OPRM1: variants seen among roughly 807,000 people sequenced by gnomAD.
OPRM1 encodes opioid receptor mu 1.
Under a neutral mutation model 31.8 loss-of-function variants are expected in OPRM1, and 27 were observed. The ratio of observed to expected loss-of-function variants is 0.85; its 90% CI spans 0.63 to 1.17. The LOEUF is 1.17. Among genes scored for constraint, OPRM1 ranks in the 50% most tolerant of loss-of-function variants. The pLI is 0.00. For synonymous variants in OPRM1, 196 were observed against 189.9 expected (o/e 1.03, Z -0.26); for missense variants, 536 against 511.1 (o/e 1.05, Z -0.47).
intron 3 of OPRM1, among the ~76,000 whole-genome samples, chr6:154,179,002 T>C (rs143234702): frequency 2.0e-5 from 3 of 152,310 alleles, no homozygotes; most frequent in African/African-American, 7.2e-5. Context: ...GTCTACAACA[T>C]ATCACTAAAT....
intron 3 of OPRM1, among the ~76,000 whole-genome samples, chr6:154,112,101 A>G (rs1796427607): frequency 6.6e-6 from 1 of 152,204 alleles, no homozygotes; most frequent in Non-Finnish European, 1.5e-5. Context: ...ACAAAAATAG[A>G]AAACCGACAG....
intron 3 of OPRM1, among the ~76,000 whole-genome samples, chr6:154,148,232 G>A (rs936427597): frequency 6.6e-6 from 1 of 152,226 alleles, no homozygotes; most frequent in Non-Finnish European, 1.5e-5. Context: ...CTGTATCAAG[G>A]AAAGGCCAAT....
chr6:154,130,054 A>T lies in OPRM1; in HGVS notation c.*11333A>T, dbSNP rs1436806017. Among the ~76,000 whole-genome samples the T allele has an allele frequency of 2.7e-5, 4 of 150,754 alleles. No individual in the cohort carries two copies. Among genetic ancestry groups the T allele is most frequent in the Non-Finnish European group, 4.4e-5 (3 of 67,862 alleles). ...ACATTTGTACTCTGGAAGTAAACTT[A>T]AAATGAAAATTAGAATTTGCTTTCA... On this transcript the variant is annotated 3_prime_UTR_variant, in exon 4 of 4. Coordinates refer to ENST00000330432, the MANE Select transcript of OPRM1 (RefSeq NM_000914.5).
At chr6:154,207,677 C>T (rs1208481722) in intron 3 of OPRM1, among the ~76,000 whole-genome samples, 2 of 152,132 alleles carry the variant, frequency 1.3e-5, no homozygotes, top group African/African-American at 4.8e-5. Flanking sequence ...ACTTTGACTT[C>T]CTCCTCTGTC....
rs1181246833 is a variant in OPRM1, at chr6:154,193,611, C to G, written c.1165-53082C>G. ...AATAACATCAAAAAAGAAAGAAAACCAAGGATTTAATCAACAACAAGAAGT... is the reference window on the plus strand; with the variant it reads ...AATAACATCAAAAAAGAAAGAAAACGAAGGATTTAATCAACAACAAGAAGT... On this transcript the variant is annotated intron_variant, in intron 3 of 3. Transcript: ENST00000337049. 4.6e-5 allele frequency among the ~76,000 whole-genome samples: 7 copies of G among 152,114 alleles called. No homozygotes were observed. The East Asian group carries it at 1.4e-3, about 29-fold the overall frequency.
At chr6:154,031,415 A>T (rs1389899546) in intron 1 of OPRM1, among the ~76,000 whole-genome samples, 1 of 152,184 alleles carries the variant, frequency 6.6e-6, no homozygotes, top group Non-Finnish European at 1.5e-5. Flanking sequence ...TAATGTCAAC[A>T]GAACCAGTGC....
intron 1 of OPRM1, among the ~76,000 whole-genome samples, chr6:154,040,775 A>T (rs1400142491): frequency 5.9e-5 from 9 of 152,196 alleles, no homozygotes. Flanking sequence ...GTTGTAGTCC[A>T]CTTTCTGTTT....
intron 3 of OPRM1, among the ~76,000 whole-genome samples, chr6:154,191,863 T>C (rs1205785264): frequency 6.6e-6 from 1 of 152,192 alleles, no homozygotes; most frequent in East Asian, 1.9e-4. Flanking sequence ...AACTCTGTAC[T>C]GTCTGCTCAA....
upstream of OPRM1, among the ~76,000 whole-genome samples, chr6:154,036,587 G>A (rs1182068664): frequency 6.6e-6 from 1 of 151,882 alleles, no homozygotes; most frequent in Admixed American, 6.6e-5. Flanking sequence ...AAGGCATATG[G>A]CTAGTCCATA....
At chr6:154,220,978 T>C (rs1021769504) in intron 3 of OPRM1, among the ~76,000 whole-genome samples, 1 of 152,254 alleles carries the variant, frequency 6.6e-6, no homozygotes, top group Non-Finnish European at 1.5e-5. Context: ...CTTGTGATGC[T>C]GATTCTCCTT....
chr6:154,223,297 G>A, intron 3 of OPRM1: 4 of 1,328,142 alleles, frequency 3.0e-6, no homozygotes, highest in Non-Finnish European at 3.2e-6. Context: ...CTGGGGATTA[G>A]TGCATTGAGA....
chr6:154,109,022 T>G (rs972207335), intron 3 of OPRM1: 1 of 985,068 alleles, frequency 1.0e-6, no homozygotes, highest in African/African-American at 1.7e-5. Flanking sequence ...TCTAACCTGT[T>G]GGAATTATAG....
chr6:154,158,186 G>C (rs560275850), intron 3 of OPRM1: 7 of 152,130 alleles, frequency 4.6e-5, no homozygotes, highest in Non-Finnish European at 1.0e-4. Flanking sequence ...TATAATTCAG[G>C]TGGTTCCTTC....
chr6:154,230,091 G>C (rs960289455), intron 3 of OPRM1, among the ~76,000 whole-genome samples: 7 of 152,034 alleles, frequency 4.6e-5, no homozygotes, highest in African/African-American at 1.7e-4. Context: ...GGGGATGGGG[G>C]ATCTTATTGG....
intron 3 of OPRM1, chr6:154,107,753 T>C (rs1795811502): frequency 1.4e-6 from 1 of 718,386 alleles, no homozygotes; most frequent in Admixed American, 2.0e-5. Flanking sequence ...TTCAGGGACC[T>C]CCAGCCAAGT....
intron 3 of OPRM1, among the ~76,000 whole-genome samples, chr6:154,111,831 T>A (rs1172999178): frequency 6.6e-6 from 1 of 152,160 alleles, no homozygotes; most frequent in Non-Finnish European, 1.5e-5. Context: ...AGTGGTGCCA[T>A]CTCGGCTCAC....
intron 3 of OPRM1, among the ~76,000 whole-genome samples, chr6:154,170,185 T>A (rs1009879904): frequency 1.3e-5 from 2 of 152,240 alleles, no homozygotes; most frequent in Non-Finnish European, 2.9e-5. Context: ...TTTCCTTTAT[T>A]CCTTGGAAGA....
intron 3 of OPRM1, among the ~76,000 whole-genome samples, chr6:154,139,852 A>G (rs1179812028): frequency 6.6e-6 from 1 of 152,178 alleles, no homozygotes; most frequent in Admixed American, 6.5e-5. Context: ...AATGGAAGAC[A>G]TGATCTGCAG....
intron 3 of OPRM1, among the ~76,000 whole-genome samples, chr6:154,208,085 G>C (rs1777647743): frequency 6.6e-6 from 1 of 151,608 alleles, no homozygotes; most frequent in Non-Finnish European, 1.5e-5. Flanking sequence ...AGCAGATTGG[G>C]GGCTCCATTT....
Sources: allele counts gnomAD v4.1 joint callset (sites outside exome capture counted in the v4.1 genomes callset), GRCh38; gene constraint gnomAD v4.1.1; transcripts MANE v1.5; gene names NCBI Gene and HGNC (gene_info 2026-07-23, HGNC 2026-07-21).